Variants in CRACDL observed in about 807,000 individuals in gnomAD.
CRACDL encodes CRACD like, also known as CRACD-like protein.
A neutral mutation model predicts 70.6 loss-of-function variants in CRACDL; 26 were observed. The observed-to-expected ratio is 0.37, with a 90% confidence interval of 0.27 to 0.51. The LOEUF (loss-of-function observed/expected upper bound fraction) is 0.51, where lower values mean the gene tolerates loss of function less well. Ranked by LOEUF, CRACDL falls within the 20% of genes least tolerant of loss-of-function variation. CRACDL has a pLI of 0.94. For synonymous variants in CRACDL, 618 were observed against 615.2 expected (o/e 1.00, Z -0.07); for missense variants, 1,283 against 1,376.9 (o/e 0.93, Z 1.08).
At chr2:98,916,426 A>G (rs1028268503) in intron 1 of CRACDL, among the ~76,000 whole-genome samples, 7 of 152,192 alleles carry the variant, frequency 4.6e-5, no homozygotes, top group Non-Finnish European at 8.8e-5. Flanking sequence ...TTTCACAGGT[A>G]TATACATATA....
chr2:98,798,665 A>T (rs1703944951), intron 7 of CRACDL, among the ~76,000 whole-genome samples: 1 of 151,630 alleles, frequency 6.6e-6, no homozygotes, highest in Admixed American at 6.6e-5. Context: ...AAATCTGTGG[A>T]TTAAATAAGT....
At chr2:98,897,397 C>T in intron 1 of CRACDL, 1 of 1,303,776 alleles carries the variant, frequency 7.7e-7, no homozygotes, top group African/African-American at 1.5e-5. Flanking sequence ...GCACGGACGC[C>T]AAAGAAATCA....
intron 7 of CRACDL, among the ~76,000 whole-genome samples, chr2:98,813,511 T>C (rs1274723973): frequency 6.6e-6 from 1 of 152,150 alleles, no homozygotes; most frequent in African/African-American, 2.4e-5. Context: ...TCCTGAAGCA[T>C]AGGAACATTC....
intron 1 of CRACDL, among the ~76,000 whole-genome samples, chr2:98,876,622 G>C (rs2104607526): frequency 6.6e-6 from 1 of 152,276 alleles, no homozygotes; most frequent in Middle Eastern, 3.4e-3. Context: ...CCCTTCCCTG[G>C]TCCATGGAAT....
intron 1 of CRACDL, among the ~76,000 whole-genome samples, chr2:98,861,139 G>A (rs373519652): frequency 6.6e-6 from 1 of 152,192 alleles, no homozygotes; most frequent in East Asian, 1.9e-4. Flanking sequence ...TTGAGGTCAG[G>A]AGTAGGAGAC....
chr2:98,830,398 T>G (rs1302714781), intron 5 of CRACDL, among the ~76,000 whole-genome samples: 2 of 152,234 alleles, frequency 1.3e-5, no homozygotes, highest in African/African-American at 4.8e-5. Context: ...GTGTAAGGTA[T>G]AAACAGTCTG....
intron 1 of CRACDL, among the ~76,000 whole-genome samples, chr2:98,868,906 A>T (rs1372120391): frequency 1.3e-5 from 2 of 152,216 alleles, no homozygotes; most frequent in Non-Finnish European, 2.9e-5. Context: ...AAGGAGATAA[A>T]AAGTCTGTTA....
chr2:98,811,044 TTAAAA>T (rs1243290229), intron 7 of CRACDL, among the ~76,000 whole-genome samples: 2 of 151,958 alleles, frequency 1.3e-5, no homozygotes, highest in Non-Finnish European at 2.9e-5. Flanking sequence ...ATTTTTGTGA[TTAAAA>T]TAAAAGGATC....
At chr2:98,934,805 A>G (rs1045110298) in intron 1 of CRACDL, among the ~76,000 whole-genome samples, 1 of 152,224 alleles carries the variant, frequency 6.6e-6, no homozygotes, top group Non-Finnish European at 1.5e-5. Flanking sequence ...AACAAATACA[A>G]AAATCCCTAA....
intron 6 of CRACDL, among the ~76,000 whole-genome samples, chr2:98,825,944 G>C (rs1354386900): frequency 2.0e-5 from 3 of 152,180 alleles, no homozygotes; most frequent in Non-Finnish European, 2.9e-5. Flanking sequence ...CACCCAGCTT[G>C]CCCTGGGTAC....
chr2:98,868,040 T>C (rs761472787), intron 1 of CRACDL, among the ~76,000 whole-genome samples: 3 of 152,186 alleles, frequency 2.0e-5, no homozygotes, highest in Non-Finnish European at 2.9e-5. Context: ...TCCTGGCCCA[T>C]ATAAAATGGG....
intron 7 of CRACDL, among the ~76,000 whole-genome samples, chr2:98,811,467 G>A (rs1305743344): frequency 7.4e-6 from 1 of 134,810 alleles, no homozygotes; most frequent in African/African-American, 2.9e-5. Context: ...CCAAGATCAT[G>A]CCACTGCACT....
chr2:98,921,921 G>T (rs1448922092), intron 1 of CRACDL, among the ~76,000 whole-genome samples: 1 of 151,836 alleles, frequency 6.6e-6, no homozygotes, highest in Admixed American at 6.6e-5. Flanking sequence ...TACTTTCTCG[G>T]ACCCCATGCA....
chr2:98,895,259 C>G (rs952391526), intron 1 of CRACDL, among the ~76,000 whole-genome samples: 1 of 152,136 alleles, frequency 6.6e-6, no homozygotes, highest in African/African-American at 2.4e-5. Flanking sequence ...AGAGGGAGGG[C>G]CTTGATGGCA....
intron 9 of CRACDL, 141 bp from the exon 10 acceptor site, chr2:98,794,812 A>T (rs1269810038): frequency 1.6e-6 from 1 of 640,068 alleles, no homozygotes; most frequent in Non-Finnish European, 2.6e-6. Context: ...GTCAACATGT[A>T]AGGAAGATTT....
In CRACDL at chr2:98,924,905, G is replaced by C. The variant is rs575795720; in HGVS notation, c.-11+11033C>G. ...ACATATCTGCCATTTCCACACAAATGCTTGCCTTTCCTTCTCCCTACAGCC... is the reference window on the plus strand; with the variant it reads ...ACATATCTGCCATTTCCACACAAATCCTTGCCTTTCCTTCTCCCTACAGCC... On this transcript the variant is annotated intron_variant, in intron 1 of 9. Coordinates refer to ENST00000397899, the MANE Select transcript of CRACDL (RefSeq NM_207362.3). Among the ~76,000 whole-genome samples, 18 of 152,358 alleles carry C rather than the reference G, an allele frequency of 1.2e-4. No individual in the cohort carries two copies. In the South Asian group the frequency reaches 3.5e-3, roughly 30 times the overall value.
chr2:98,899,378 G>C (rs568606455), intron 1 of CRACDL, among the ~76,000 whole-genome samples: 1 of 152,390 alleles, frequency 6.6e-6, no homozygotes, highest in African/African-American at 2.4e-5. Flanking sequence ...CAGAGGGAGA[G>C]CAGACATAGA....
Position 98,822,404 on chromosome 2 carries a change from C to A in CRACDL, c.1869G>T (p.Gln623His). The change falls in exon 7 of 10, where the codon CAG becomes CAT. Residue 623 changes from glutamine to histidine, a missense_variant. Physicochemically the swap from Gln to His is conservative, Grantham distance 24 (BLOSUM62 0). Transcript: ENST00000397899. This position sits in a 1 kb window ranked among gnomAD's most constrained non-coding sequence, Gnocchi z 4.9. Reference protein sequence around the residue: ...LDDLQGLPEPQHAKPGPRKLA... With the variant: ...LDDLQGLPEPHHAKPGPRKLA... ...GCTTCCGAGGGCCAGGTTTCGCGTGCTGGGGCTCGGGGAGACCCTGGAGGT... is the reference window on the plus strand; with the variant it reads ...GCTTCCGAGGGCCAGGTTTCGCGTGATGGGGCTCGGGGAGACCCTGGAGGT... 6.7e-7 allele frequency: 1 copy of A among 1,482,136 alleles called. No individual in the cohort carries two copies. The highest frequency in any genetic ancestry group is 8.9e-7 in the Non-Finnish European group (1 of 1,124,996). The allele number at this position is 1,482,136 out of a possible 1,614,324, so 91.8% of individuals were successfully genotyped here. A position where few individuals can be genotyped will look rare whatever the true frequency, so the allele number is the denominator to read the frequency against.
At chr2:98,866,438 T>C (rs760472144) in intron 1 of CRACDL, among the ~76,000 whole-genome samples, 13 of 150,050 alleles carry the variant, frequency 8.7e-5, no homozygotes, top group Non-Finnish European at 1.8e-4. Context: ...CAGAGGCACT[T>C]AGCAGTAACA....
Sources: gnomAD v4.1 joint callset for allele counts (sites outside exome capture counted in the v4.1 genomes callset) on GRCh38, gnomAD v4.1.1 for gene constraint, Gnocchi (gnomAD v3.1) non-coding constraint, MANE v1.5 for transcripts, NCBI Gene and HGNC (gene_info 2026-07-23, HGNC 2026-07-21) for gene names.